Variants in EXT1 observed in about 807,000 individuals in gnomAD.
EXT1 encodes exostosin glycosyltransferase 1.
EXT1 carries 20 observed loss-of-function variants against 82.5 expected under a neutral mutation model. The ratio of observed to expected loss-of-function variants is 0.24; its 90% CI spans 0.17 to 0.35. The LOEUF (loss-of-function observed/expected upper bound fraction) is 0.35. Among genes scored for constraint, EXT1 ranks in the 10% least tolerant of loss-of-function variants. The pLI is 1.00. For missense variants in EXT1, 757 were observed against 936.5 expected, an observed-to-expected ratio of 0.81 and a Z score of 2.50; for synonymous variants, 348 against 350.8, an observed-to-expected ratio of 0.99 and a Z score of 0.09.
At position 118,029,269 on chromosome 8, in the gene EXT1, A is replaced by C. The variant is rs558911940; in HGVS notation, c.962+80816T>G. Among the ~76,000 whole-genome samples the C allele has an allele frequency of 1.8e-3, 270 of 152,230 alleles. 1 individual carries two copies. Among genetic ancestry groups the C allele is most frequent in the African/African-American group, 6.1e-3 (253 of 41,530 alleles). ...CATAGTAAGACCCAGTCTCTACAAA[A>C]AATAAAAATAGCCAGACATAGCGGT... On this transcript the variant is annotated intron_variant, in intron 1 of 10. Coordinates refer to ENST00000378204, the MANE Select transcript of EXT1 (RefSeq NM_000127.3).
intron 8 of EXT1, among the ~76,000 whole-genome samples, chr8:117,810,792 A>T (rs1283535033): frequency 6.6e-6 from 1 of 152,126 alleles, no homozygotes. Flanking sequence ...ATGGACCCCT[A>T]TGGACTGCAT....
intron 1 of EXT1, among the ~76,000 whole-genome samples, chr8:117,838,306 C>T (rs977323161): frequency 9.2e-5 from 14 of 152,216 alleles, no homozygotes; most frequent in Non-Finnish European, 1.5e-4. Context: ...AGCCTAAAGG[C>T]ACTGAATTCT....
intron 1 of EXT1, among the ~76,000 whole-genome samples, chr8:117,839,774 T>A (rs1812245429): frequency 6.6e-6 from 1 of 152,224 alleles, no homozygotes; most frequent in Non-Finnish European, 1.5e-5. Context: ...CACATCAACC[T>A]CCTTGTAGAT....
chr8:118,035,723 T>C (rs1243625399), intron 1 of EXT1, among the ~76,000 whole-genome samples: 4 of 152,150 alleles, frequency 2.6e-5, no homozygotes. Flanking sequence ...ACACAATTTC[T>C]TTCACCACAT....
intron 1 of EXT1, among the ~76,000 whole-genome samples, chr8:117,909,113 C>A: frequency 7.0e-6 from 1 of 142,492 alleles, no homozygotes. Flanking sequence ...GCCTGGTCGA[C>A]AGAGCGAGAC....
chr8:117,835,987 A>G (rs1467277661), intron 2 of EXT1, among the ~76,000 whole-genome samples: 1 of 152,240 alleles, frequency 6.6e-6, no homozygotes. Context: ...TGAGCAACAA[A>G]GAGCAGAATG....
chr8:117,838,543 G>A (rs1021496190), intron 1 of EXT1, among the ~76,000 whole-genome samples: 1 of 152,050 alleles, frequency 6.6e-6, no homozygotes, highest in Non-Finnish European at 1.5e-5. Flanking sequence ...TCTCCATTGA[G>A]AGTAAAAATT....
In EXT1 at chr8:117,887,493, A is replaced by C. The variant is rs1174117981; in HGVS notation, c.963-50292T>G. On this transcript the variant is annotated intron_variant, in intron 1 of 10. Coordinates refer to ENST00000378204, the MANE Select transcript of EXT1 (RefSeq NM_000127.3). ...CGGCCTCCTGAGTAGCTGGGACTACAGGTGCGTGCCACCACGCCCAGATAA... is the reference window on the plus strand; with the variant it reads ...CGGCCTCCTGAGTAGCTGGGACTACCGGTGCGTGCCACCACGCCCAGATAA... Among the ~76,000 whole-genome samples, 4 of 152,134 alleles carry C rather than the reference A, an allele frequency of 2.6e-5. No individual in the cohort carries two copies. The East Asian group carries it at 7.8e-4, about 30-fold the overall frequency.
At chr8:118,043,791 CT>C (rs1461380668) in intron 1 of EXT1, among the ~76,000 whole-genome samples, 1 of 152,196 alleles carries the variant, frequency 6.6e-6, no homozygotes, top group African/African-American at 2.4e-5. Context: ...GTTTTTACTC[CT>C]TACACCTCCA....
chr8:118,071,635 T>C (rs1041029019), intron 1 of EXT1, among the ~76,000 whole-genome samples: 3 of 152,148 alleles, frequency 2.0e-5, no homozygotes, highest in Admixed American at 6.5e-5. Context: ...TTTAGCTTGC[T>C]ACAGGAATTC....
chr8:117,998,275 T>C (rs17476268), intron 1 of EXT1, among the ~76,000 whole-genome samples: 1 of 152,000 alleles, frequency 6.6e-6, no homozygotes, highest in Non-Finnish European at 1.5e-5. Context: ...GCCTCCCAAA[T>C]TGCTGGGATT....
intron 1 of EXT1, among the ~76,000 whole-genome samples, chr8:117,967,424 C>T (rs1197695950): frequency 6.6e-6 from 1 of 152,132 alleles, no homozygotes; most frequent in Non-Finnish European, 1.5e-5. Flanking sequence ...ACTTAAAAAG[C>T]AGTCATTAAA....
chr8:117,891,037 C>T (rs1813233018), intron 1 of EXT1, among the ~76,000 whole-genome samples: 1 of 152,172 alleles, frequency 6.6e-6, no homozygotes, highest in Non-Finnish European at 1.5e-5. Context: ...ACAGACTCTA[C>T]CAAGTTTCTC....
At chr8:117,825,924 T>C (rs1192086762) in intron 4 of EXT1, among the ~76,000 whole-genome samples, 3 of 152,236 alleles carry the variant, frequency 2.0e-5, no homozygotes, top group Non-Finnish European at 4.4e-5. Context: ...TATCATAATC[T>C]CAGGCACTTT....
chr8:118,041,895 C>T (rs541572498), intron 1 of EXT1, among the ~76,000 whole-genome samples: 13 of 150,496 alleles, frequency 8.6e-5, no homozygotes, highest in Non-Finnish European at 1.9e-4. Flanking sequence ...TTGCAGTGAG[C>T]TGAGATCACG....
At chr8:117,896,018 G>T (rs558605712) in intron 1 of EXT1, among the ~76,000 whole-genome samples, 1 of 152,180 alleles carries the variant, frequency 6.6e-6, no homozygotes, top group Non-Finnish European at 1.5e-5. Flanking sequence ...AAGCAGTAAT[G>T]TTGTAAAACG....
chr8:117,887,572 G>C (rs182205433), intron 1 of EXT1, among the ~76,000 whole-genome samples: 1 of 151,946 alleles, frequency 6.6e-6, no homozygotes, highest in Non-Finnish European at 1.5e-5. Flanking sequence ...GGATGGTCTC[G>C]ATCTCTTGAC....
In EXT1 at chr8:117,795,073, C is replaced by G. The variant is rs1823071350; in HGVS notation, c.*4639G>C. Reference sequence around the variant, plus strand: ...TTGCAGAAATCAAATGGCCTGAGGCCTAAAAGGCAAATCATTACAAAACCA... The same window carrying G: ...TTGCAGAAATCAAATGGCCTGAGGCGTAAAAGGCAAATCATTACAAAACCA... On this transcript the variant is annotated 3_prime_UTR_variant, in exon 11 of 11. Coordinates refer to ENST00000378204, the MANE Select transcript of EXT1 (RefSeq NM_000127.3). The G allele has an allele frequency of 2.0e-5, 3 of 152,182 alleles. No homozygotes were observed. The highest frequency in any genetic ancestry group is 6.5e-5 in the Admixed American group (1 of 15,280). 9.4% of individuals were successfully genotyped at this position (152,182 alleles called of 1,614,324 possible). A position where few individuals can be genotyped will look rare whatever the true frequency, so the allele number is the denominator to read the frequency against.
chr8:117,941,541 G>A (rs1365011925), intron 1 of EXT1, among the ~76,000 whole-genome samples: 2 of 152,194 alleles, frequency 1.3e-5, no homozygotes, highest in Non-Finnish European at 2.9e-5. Flanking sequence ...TTGCAAAGTA[G>A]TCAGGAAGGC....
Sources: allele counts gnomAD v4.1 joint callset (sites outside exome capture counted in the v4.1 genomes callset), GRCh38; gene constraint gnomAD v4.1.1; transcripts MANE v1.5; gene names NCBI Gene and HGNC (gene_info 2026-07-23, HGNC 2026-07-21).